Variants in OXR1 observed in about 807,000 individuals in gnomAD.
The protein encoded by OXR1 is oxidation resistance protein 1.
OXR1 carries 41 observed loss-of-function variants against 104.6 expected under a neutral mutation model. The observed-to-expected ratio is 0.39, with a 90% CI of 0.31 to 0.51. OXR1 has a LOEUF of 0.51. OXR1 is among the 20% of genes least tolerant of loss of function. The pLI is 0.77. For synonymous variants in OXR1, 348 were observed against 348.4 expected (o/e 1.00, Z 0.01); for missense variants, 955 against 1,031.9 (o/e 0.93, Z 1.02).
chr8:106,473,161 T>C (rs1172795148), intron 2 of OXR1, among the ~76,000 whole-genome samples: 2 of 152,006 alleles, frequency 1.3e-5, no homozygotes, highest in East Asian at 3.9e-4. Context: ...TGGAAGCTCA[T>C]GTTGGATAAA....
intron 2 of OXR1, among the ~76,000 whole-genome samples, chr8:106,433,984 G>T (rs1242246069): frequency 6.6e-6 from 1 of 152,074 alleles, no homozygotes; most frequent in Non-Finnish European, 1.5e-5. Flanking sequence ...TTGCTTTGAT[G>T]ATTGGTCTAC....
intron 11 of OXR1, among the ~76,000 whole-genome samples, chr8:106,735,311 A>G (rs1042003377): frequency 6.6e-6 from 1 of 152,068 alleles, no homozygotes; most frequent in African/African-American, 2.4e-5. Flanking sequence ...CCTAGAAAAA[A>G]ATATAATTGA....
intron 2 of OXR1, among the ~76,000 whole-genome samples, chr8:106,453,611 A>G (rs902857407): frequency 6.6e-6 from 1 of 152,100 alleles, no homozygotes; most frequent in African/African-American, 2.4e-5. Context: ...CTTCTCTCCT[A>G]TATGCCACTG....
At chr8:106,505,607 A>G (rs949249263) in intron 2 of OXR1, among the ~76,000 whole-genome samples, 1 of 152,218 alleles carries the variant, frequency 6.6e-6, no homozygotes, top group African/African-American at 2.4e-5. Context: ...CAACCTACTT[A>G]AAATTGTAGG....
intron 2 of OXR1, among the ~76,000 whole-genome samples, chr8:106,401,349 T>A (rs552370856): frequency 1.3e-5 from 2 of 152,204 alleles, no homozygotes; most frequent in African/African-American, 4.8e-5. Flanking sequence ...TATGGTCTTA[T>A]CTTCCTCTAA....
intron 3 of OXR1, among the ~76,000 whole-genome samples, chr8:106,648,044 A>G (rs1031119122): frequency 1.4e-4 from 22 of 152,198 alleles, no homozygotes; most frequent in Admixed American, 5.9e-4. Context: ...TTTATTTCCT[A>G]AAATTCAATA....
chr8:106,640,896 A>T (rs1187024599), intron 3 of OXR1, among the ~76,000 whole-genome samples: 1 of 152,224 alleles, frequency 6.6e-6, no homozygotes, highest in Admixed American at 6.5e-5. Context: ...AAATCAAACT[A>T]GAACATATGC....
At chr8:106,286,147 G>C (rs1449558048) in intron 1 of OXR1, among the ~76,000 whole-genome samples, 2 of 152,142 alleles carry the variant, frequency 1.3e-5, no homozygotes, top group Non-Finnish European at 2.9e-5. Flanking sequence ...CTTTCTCATG[G>C]AGCTTACAAA....
intron 1 of OXR1, among the ~76,000 whole-genome samples, chr8:106,281,799 C>CAAAAAAA (rs59515650): frequency 6.4e-5 from 4 of 62,944 alleles, no homozygotes; most frequent in Non-Finnish European, 6.6e-5. Flanking sequence ...GACTCTATCT[C>CAAAAAAA]AAAAAAAAAA....
At chr8:106,578,983 C>CTTTTTTTTTTTT (rs146593561) in intron 3 of OXR1, among the ~76,000 whole-genome samples, 16 of 131,004 alleles carry the variant, frequency 1.2e-4, no homozygotes, top group African/African-American at 1.8e-4. Flanking sequence ...CTCACTTTTT[C>CTTTTTTTTTTTT]TTTCTTTTTT....
chr8:106,641,036 G>A (rs1167282023), intron 3 of OXR1, among the ~76,000 whole-genome samples: 2 of 152,218 alleles, frequency 1.3e-5, no homozygotes, highest in Non-Finnish European at 2.9e-5. Flanking sequence ...ATAGACAGTA[G>A]TATAACTCTA....
chr8:106,594,391 T>C (rs1206680695), intron 3 of OXR1, among the ~76,000 whole-genome samples: 1 of 152,220 alleles, frequency 6.6e-6, no homozygotes, highest in South Asian at 2.1e-4. Flanking sequence ...GAAGTTTGTA[T>C]AAGTGGTCCT....
chr8:106,555,608 A>C (rs765058872), intron 3 of OXR1, among the ~76,000 whole-genome samples: 3 of 152,072 alleles, frequency 2.0e-5, no homozygotes, highest in Non-Finnish European at 2.9e-5. Context: ...TTTATTCACT[A>C]ATGATTTTCT....
chr8:106,654,310 G>A lies in OXR1; in HGVS notation c.221-24900G>A, dbSNP rs1401977239. On this transcript the variant is annotated intron_variant, in intron 3 of 16. Coordinates refer to ENST00000517566, the MANE Select transcript of OXR1 (RefSeq NM_001198533.2). ...TTCCAATTTCAAAACTTACTACAAA[G>A]CTACAGTAATCGAGATAGCATGGTA... Among the ~76,000 whole-genome samples the A allele has an allele frequency of 5.9e-5, 9 of 152,064 alleles. 1 individual carries two copies. The highest frequency in any genetic ancestry group is 5.9e-4 in the Admixed American group (9 of 15,280).
At chr8:106,557,769 A>G (rs780369821) in intron 3 of OXR1, among the ~76,000 whole-genome samples, 4 of 152,210 alleles carry the variant, frequency 2.6e-5, no homozygotes, top group Non-Finnish European at 4.4e-5. Context: ...CTGCTGTCCT[A>G]TGCAGGGTTA....
At chr8:106,695,592 A>G (rs1393909402) in intron 7 of OXR1, among the ~76,000 whole-genome samples, 1 of 151,230 alleles carries the variant, frequency 6.6e-6, no homozygotes, top group Non-Finnish European at 1.5e-5. Context: ...TAATTTTTGT[A>G]TTTTTTTAGT....
At chr8:106,665,769 G>A (rs1025607105) in intron 3 of OXR1, among the ~76,000 whole-genome samples, 16 of 152,088 alleles carry the variant, frequency 1.1e-4, no homozygotes, top group Non-Finnish European at 2.2e-4. Flanking sequence ...AGTACAAAAA[G>A]GAATGTGTTT....
chr8:106,524,210 G>T (rs1190260144), intron 3 of OXR1, among the ~76,000 whole-genome samples: 4 of 152,132 alleles, frequency 2.6e-5, no homozygotes, highest in African/African-American at 9.7e-5. Flanking sequence ...CCAAATAGTA[G>T]ACTCAGATAT....
intron 2 of OXR1, among the ~76,000 whole-genome samples, chr8:106,514,877 G>A (rs1406965437): frequency 6.6e-6 from 1 of 152,082 alleles, no homozygotes; most frequent in Non-Finnish European, 1.5e-5. Context: ...CAAAAGAGCA[G>A]CTGGCTTTTT....
Sources: gnomAD v4.1 joint callset for allele counts (sites outside exome capture counted in the v4.1 genomes callset) on GRCh38, gnomAD v4.1.1 for gene constraint, MANE v1.5 for transcripts, NCBI Gene and HGNC (gene_info 2026-07-23, HGNC 2026-07-21) for gene names.